Variants in GIT1 observed in about 807,000 individuals in gnomAD.
GIT1 encodes GIT ArfGAP 1.
In GIT1, 14 loss-of-function variants were observed where a neutral mutation model predicts 91.7. That is an observed-to-expected ratio of 0.15 (90% CI 0.10 to 0.24). The LOEUF (loss-of-function observed/expected upper bound fraction) is 0.24. Ranked by LOEUF, GIT1 falls within the 10% of genes least tolerant of loss-of-function variation. GIT1 has a pLI of 1.00. For synonymous variants in GIT1, 414 were observed against 418.2 expected (o/e 0.99, Z 0.12); for missense variants, 717 against 1,024.9 (o/e 0.70, Z 4.10).
In GIT1 at chr17:29,577,922, C is replaced by T. The variant is rs145334438; in HGVS notation, c.884-180G>A. The stretch of plus-strand genomic sequence containing the variant: ...GGGCCAGGGCAAGGCTGGGCGTGGC[C>T]GGCTGGGGACAGACAAATGGAACAA... On this transcript the variant is annotated intron_variant, in intron 9 of 19. Coordinates refer to ENST00000225394, the MANE Select transcript of GIT1 (RefSeq NM_014030.4). Among the ~76,000 whole-genome samples the T allele has an allele frequency of 2.6e-3, 401 of 152,336 alleles. 1 individual carries two copies. Among genetic ancestry groups the T allele is most frequent in the African/African-American group, 8.9e-3 (368 of 41,572 alleles).
rs909994794 is a variant in GIT1 at position 29,581,125 on chromosome 17, C to G, written c.761+213G>C. ...AAGCCCTCCATGTACTTGACAGTCACGGGGCTCAGGCTATGCGGGCCACAT... is the reference window on the plus strand; with the variant it reads ...AAGCCCTCCATGTACTTGACAGTCAGGGGGCTCAGGCTATGCGGGCCACAT... On this transcript the variant is annotated intron_variant, in intron 7 of 19. Coordinates refer to ENST00000225394, the MANE Select transcript of GIT1 (RefSeq NM_014030.4). The surrounding 1 kb of genome is among the most constrained non-coding windows in gnomAD (Gnocchi z 4.8). 22 of 591,530 alleles carry G rather than the reference C, an allele frequency of 3.7e-5. No homozygotes were observed. The highest frequency in any genetic ancestry group is 3.0e-4 in the African/African-American group (16 of 53,834). The allele number at this position is 591,530 out of a possible 1,614,324, so 36.6% of individuals were successfully genotyped here.
At chr17:29,585,475 T>C (rs8076487) in intron 1 of GIT1, among the ~76,000 whole-genome samples, 1 of 152,062 alleles carries the variant, frequency 6.6e-6, no homozygotes, top group African/African-American at 2.4e-5. Flanking sequence ...GCAGACCAGA[T>C]GTGGTGAGTG....
intron 1 of GIT1, among the ~76,000 whole-genome samples, chr17:29,588,429 C>G (rs908962364): frequency 4.0e-4 from 61 of 152,174 alleles, no homozygotes; most frequent in African/African-American, 1.4e-3. Flanking sequence ...GGGTTTCACT[C>G]CAGCCCAGTC....
At chr17:29,585,026 T>C (rs946544471) in intron 1 of GIT1, among the ~76,000 whole-genome samples, 4 of 149,894 alleles carry the variant, frequency 2.7e-5, no homozygotes, top group Non-Finnish European at 5.9e-5. Context: ...GCAGCGGGTT[T>C]AGGCTTTTTA....
At position 29,576,428 on chromosome 17, in the gene GIT1, T is replaced by G. The variant is rs1567769502; in HGVS notation, c.1403A>C (p.Asn468Thr). The G allele has an allele frequency of 6.2e-7, 1 of 1,612,592 alleles. No homozygotes were observed. Among genetic ancestry groups the G allele is most frequent in the African/African-American group, 1.3e-5 (1 of 74,996 alleles). The change falls in exon 14 of 20, where the codon AAC (asparagine) becomes ACC (threonine). Residue 468 changes from asparagine to threonine, a missense_variant. By Grantham distance (65) the Asn-to-Thr change is moderately conservative. Transcript: ENST00000225394. ...QREIHKLQAE[N>T]LQLRQPPGPV... ...CCCTGGAGGCTGCCGGAGCTGCAGG[T>G]TCTCCGCCTGCAGCTTGTGGATCTA... is the stretch of plus-strand genomic sequence containing the variant.
chr17:29,574,403 TAGA>T lies in GIT1; in HGVS notation c.*296_*298del. On this transcript the variant is annotated 3_prime_UTR_variant, in exon 20 of 20. Coordinates refer to ENST00000225394, the MANE Select transcript of GIT1 (RefSeq NM_014030.4). ...ACCTGCCCCTTTGCTGAGGGTGCCC[TAGA>T]AGGCGAGGGGCTGGGAGTGATGCCT... The T allele has an allele frequency of 4.7e-6, 2 of 423,182 alleles. No individual in the cohort carries two copies. The highest frequency in any genetic ancestry group is 5.2e-5 in the South Asian group (2 of 38,116). The allele number at this position is 423,182 out of a possible 1,614,324, so 26.2% of individuals were successfully genotyped here. A position where few individuals can be genotyped will look rare whatever the true frequency, so the allele number is the denominator to read the frequency against.
At chr17:29,584,888 C>T (rs1380692812) in intron 1 of GIT1, among the ~76,000 whole-genome samples, 1 of 151,976 alleles carries the variant, frequency 6.6e-6, no homozygotes, top group Admixed American at 6.6e-5. Flanking sequence ...TGAGCTCTGC[C>T]CACAGCAAGT....
At position 29,582,141 on chromosome 17, in the gene GIT1, G is replaced by A; in HGVS notation, c.409C>T (p.Leu137=). 6.4e-7 allele frequency: 1 copy of A among 1,564,136 alleles called. No individual in the cohort carries two copies. ...TTGCCTGTCCGCACGCTCGAGTGTA[G>A]TTGCTAAGAGGAGCAGAGTGTGCAG... ...GVTAKDLSKQ[L]HSSVRTGNLE... is the part of the protein sequence containing the mutation. Residue 137 remains leucine, a synonymous_variant, in exon 5 of 20, where the codon CTA becomes TTA. Coordinates refer to ENST00000225394, the MANE Select transcript of GIT1 (RefSeq NM_014030.4).
chr17:29,575,394 G>C lies in GIT1; in HGVS notation c.1903C>G (p.Leu635Val). The C allele has an allele frequency of 6.2e-7, 1 of 1,613,540 alleles. No homozygotes were observed. Among genetic ancestry groups the C allele is most frequent in the Non-Finnish European group, 8.5e-7 (1 of 1,179,678 alleles). Residue 635 changes from leucine (L) to valine (V), a missense_variant, in exon 18 of 20, where the codon CTA becomes GTA. Transcript: ENST00000225394. This position sits in a 1 kb window ranked among gnomAD's most constrained non-coding sequence, Gnocchi z 5.5. Reference sequence around the variant, plus strand: ...TCTGTGCTGGGAAGCCCAGGATCTAGGTCTCCATCCAGGCTTTCCAGCTCT... The same window carrying C: ...TCTGTGCTGGGAAGCCCAGGATCTACGTCTCCATCCAGGCTTTCCAGCTCT... Reference protein sequence around the residue: ...HPELESLDGDLDPGLPSTEDV... With the variant: ...HPELESLDGDVDPGLPSTEDV...
chr17:29,577,028 C>G, intron 11 of GIT1, 32 bp from the exon 12 acceptor site: 2 of 1,605,750 alleles, frequency 1.2e-6, no homozygotes, highest in Non-Finnish European at 1.7e-6. Context: ...TCAGGCCACA[C>G]TCCACCACAC....
Position 29,581,629 on chromosome 17 carries a change from T to C in GIT1, c.718+113A>G, listed in dbSNP as rs2033398157. The C allele has an allele frequency of 1.2e-6, 1 of 813,176 alleles. No homozygotes were observed. Among genetic ancestry groups the C allele is most frequent in the Non-Finnish European group, 2.0e-6 (1 of 490,920 alleles). The allele number at this position is 813,176 out of a possible 1,614,324, so 50.4% of individuals were successfully genotyped here. On this transcript the variant is annotated intron_variant, in intron 6 of 19. Coordinates refer to ENST00000225394, the MANE Select transcript of GIT1 (RefSeq NM_014030.4). This position sits in a 1 kb window ranked among gnomAD's most constrained non-coding sequence, Gnocchi z 4.8. The stretch of plus-strand genomic sequence containing the variant: ...CACAGGAGCCAGTTGCCTAGCAACA[T>C]TGCTCCCCAGCCGCTCTGTCACCAT...
chr17:29,588,313 G>A (rs957154456), intron 1 of GIT1, among the ~76,000 whole-genome samples: 1 of 152,238 alleles, frequency 6.6e-6, no homozygotes, highest in Non-Finnish European at 1.5e-5. Context: ...GTGGGCTAGA[G>A]CTTCCTTCCC....
intron 7 of GIT1, 24 bp from the exon 8 acceptor site, chr17:29,578,803 T>C: frequency 6.2e-7 from 1 of 1,612,504 alleles, no homozygotes; most frequent in East Asian, 2.2e-5. Context: ...GAGATGGGAA[T>C]TGGGAGGAGA....
In GIT1 at chr17:29,574,921, G is replaced by A; in HGVS notation, c.2074-7C>T. The stretch of plus-strand genomic sequence containing the variant: ...CTGGCTCCAGGGCTGGCCTCTGGAG[G>A]GGGCAGGAGTGAGGCTGGACCTTGG... On this transcript the variant is annotated splice_polypyrimidine_tract_variant and splice_region_variant and intron_variant, in intron 19 of 19. Transcript: ENST00000225394. 1 of 1,552,850 alleles carries A rather than the reference G, an allele frequency of 6.4e-7. No individual in the cohort carries two copies. The highest frequency in any genetic ancestry group is 8.7e-7 in the Non-Finnish European group (1 of 1,148,938).
At position 29,589,237 on chromosome 17, in the gene GIT1, C is replaced by CAA; in HGVS notation, c.52+89_52+90insTT. 5.6e-6 allele frequency: 2 copies of CAA among 354,760 alleles called. No homozygotes were observed. Among genetic ancestry groups the CAA allele is most frequent in the Non-Finnish European group, 7.9e-6 (2 of 251,744 alleles). 22.0% of individuals were successfully genotyped at this position (354,760 alleles called of 1,614,324 possible). ...GCAGCCCCCCGCCCCGCCCAGCCCT[C>CAA]CGGCCCCGCACAGCGCTCTTGCCAG... On this transcript the variant is annotated intron_variant, in intron 1 of 19. Coordinates refer to ENST00000225394, the MANE Select transcript of GIT1 (RefSeq NM_014030.4). This position sits in a 1 kb window ranked among gnomAD's most constrained non-coding sequence, Gnocchi z 5.2.
At chr17:29,579,114 G>T in intron 7 of GIT1, 2 of 803,544 alleles carry the variant, frequency 2.5e-6, no homozygotes, top group Non-Finnish European at 4.3e-6. Context: ...GCCCAGAAGG[G>T]ACAAAGCTGA....
rs1008399157 is a variant in GIT1 at position 29,589,610 on chromosome 17, C to T, written c.-232G>A. 6.0e-5 allele frequency: 9 copies of T among 148,902 alleles called. No homozygotes were observed. The East Asian group carries it at 7.8e-4, about 13-fold the overall frequency. 9.2% of individuals were successfully genotyped at this position (148,902 alleles called of 1,614,324 possible). On this transcript the variant is annotated 5_prime_UTR_variant, in exon 1 of 20. Transcript: ENST00000225394. This position sits in a 1 kb window ranked among gnomAD's most constrained non-coding sequence, Gnocchi z 5.2. ...CGCGCCGCCCCGCCGCCGCTCGCGGCTCCTCTCTCCGCCCCCTGCGCGGCT... is the reference window on the plus strand; with the variant it reads ...CGCGCCGCCCCGCCGCCGCTCGCGGTTCCTCTCTCCGCCCCCTGCGCGGCT...
At position 29,574,564 on chromosome 17, in the gene GIT1, C is replaced by T. The variant is rs370229539; in HGVS notation, c.*138G>A. Reference sequence around the variant, plus strand: ...CTCGACAGGGGTGGGCACCAGGGCACCTGGCTGCCAGGGAGTGTGGCAGCA... The same window carrying T: ...CTCGACAGGGGTGGGCACCAGGGCATCTGGCTGCCAGGGAGTGTGGCAGCA... On this transcript the variant is annotated 3_prime_UTR_variant, in exon 20 of 20. Coordinates refer to ENST00000225394, the MANE Select transcript of GIT1 (RefSeq NM_014030.4). The T allele has an allele frequency of 6.3e-6, 5 of 788,178 alleles. 1 individual carries two copies. Among genetic ancestry groups the T allele is most frequent in the Non-Finnish European group, 1.1e-5 (5 of 460,342 alleles). The allele number at this position is 788,178 out of a possible 1,614,324, so 48.8% of individuals were successfully genotyped here. A position where few individuals can be genotyped will look rare whatever the true frequency, so the allele number is the denominator to read the frequency against.
intron 4 of GIT1, among the ~76,000 whole-genome samples, chr17:29,582,429 T>C (rs1018391495): frequency 2.0e-5 from 3 of 152,268 alleles, no homozygotes; most frequent in Non-Finnish European, 4.4e-5. Flanking sequence ...AAACTGAGGC[T>C]ATGAGTGGCT....
Sources: gnomAD v4.1 joint callset for allele counts (sites outside exome capture counted in the v4.1 genomes callset) on GRCh38, gnomAD v4.1.1 for gene constraint, Gnocchi (gnomAD v3.1) non-coding constraint, MANE v1.5 for transcripts, NCBI Gene and HGNC (gene_info 2026-07-23, HGNC 2026-07-21) for gene names.